ZNF678: variants seen among roughly 807,000 people sequenced by gnomAD.
ZNF678 encodes the protein hypothetical protein MGC42493.
ZNF678 carries 5 observed loss-of-function variants against 3.0 expected under a neutral mutation model. The ratio of observed to expected loss-of-function variants is 1.69; its 90% CI spans 0.88 to 3.56. The LOEUF is 3.56. Among genes scored for constraint, ZNF678 ranks in the 30% most tolerant of loss-of-function variants. The pLI, the probability that ZNF678 is intolerant of heterozygous loss-of-function variation, is 0.00. For missense variants in ZNF678, 593 were observed against 605.0 expected (o/e 0.98, Z 0.21); for synonymous variants, 218 against 199.6 (o/e 1.09, Z -0.78).
chr1:227,637,554 T>G (rs2102787626), intron 1 of ZNF678, among the ~76,000 whole-genome samples: 1 of 152,290 alleles, frequency 6.6e-6, no homozygotes, highest in African/African-American at 2.4e-5. Context: ...TTAGAACACC[T>G]AATGCAACTC....
intron 1 of ZNF678, among the ~76,000 whole-genome samples, chr1:227,581,373 G>A (rs1453823494): frequency 6.7e-6 from 1 of 149,500 alleles, no homozygotes; most frequent in Non-Finnish European, 1.5e-5. Context: ...AAGGAAGGAA[G>A]AGAGGAAAAG....
intron 1 of ZNF678, among the ~76,000 whole-genome samples, chr1:227,589,851 ACTT>A (rs1186607982): frequency 2.0e-5 from 3 of 151,446 alleles, no homozygotes; most frequent in Admixed American, 2.0e-4. Context: ...TTTAGTTTTT[ACTT>A]CTTCTTTCTT....
At chr1:227,589,050 A>AG (rs1367731129) in intron 1 of ZNF678, among the ~76,000 whole-genome samples, 7 of 152,140 alleles carry the variant, frequency 4.6e-5, no homozygotes, top group Admixed American at 1.3e-4. Flanking sequence ...GACCTTTGTC[A>AG]GATGGATAGA....
chr1:227,592,772 G>A (rs1024580867), intron 1 of ZNF678, among the ~76,000 whole-genome samples: 2 of 152,302 alleles, frequency 1.3e-5, no homozygotes, highest in African/African-American at 4.8e-5. Flanking sequence ...GCTTTACGAT[G>A]TCTTATTTCT....
Position 227,646,541 on chromosome 1 carries a change from C to A in ZNF678, c.-163-3C>A, listed in dbSNP as rs757725475. On this transcript the variant is annotated splice_region_variant and splice_polypyrimidine_tract_variant and intron_variant, in intron 1 of 3. Coordinates refer to ENST00000343776, the MANE Select transcript of ZNF678 (RefSeq NM_001367909.1). Reference sequence around the variant, plus strand: ...AATACGTGTGTATTTTTCCCCCCCCCAGGGACTACTGGCATTCAGTGATGT... The same window carrying A: ...AATACGTGTGTATTTTTCCCCCCCCAAGGGACTACTGGCATTCAGTGATGT... 6 of 1,367,178 alleles carry A rather than the reference C, an allele frequency of 4.4e-6. No homozygotes were observed. The highest frequency in any genetic ancestry group is 9.1e-5 in the East Asian group (2 of 21,940). 84.7% of individuals were successfully genotyped at this position (1,367,178 alleles called of 1,614,324 possible).
At chr1:227,573,438 T>A (rs539758500) in intron 1 of ZNF678, among the ~76,000 whole-genome samples, 6 of 152,350 alleles carry the variant, frequency 3.9e-5, no homozygotes, top group African/African-American at 1.2e-4. Context: ...ATTCATGATA[T>A]GATTTCAGGT....
At chr1:227,614,840 C>T (rs1043404453) in intron 1 of ZNF678, among the ~76,000 whole-genome samples, 1 of 152,222 alleles carries the variant, frequency 6.6e-6, no homozygotes, top group Admixed American at 6.5e-5. Context: ...ACCCAGAATG[C>T]CCACACAGAC....
chr1:227,641,840 C>A (rs1571908022), intron 1 of ZNF678, among the ~76,000 whole-genome samples: 2 of 152,074 alleles, frequency 1.3e-5, no homozygotes, highest in African/African-American at 4.8e-5. Flanking sequence ...AGACCCAAAA[C>A]TGAGTCAGAG....
intron 1 of ZNF678, among the ~76,000 whole-genome samples, chr1:227,570,981 T>G (rs1003208442): frequency 2.6e-5 from 4 of 152,192 alleles, no homozygotes; most frequent in African/African-American, 7.2e-5. Context: ...TAATATAGTT[T>G]ATGCCCAAAT....
At chr1:227,679,366 C>T (rs1659730887), downstream of ZNF678, among the ~76,000 whole-genome samples, 1 of 152,044 alleles carries the variant, frequency 6.6e-6, no homozygotes, top group Non-Finnish European at 1.5e-5. Flanking sequence ...CAGCGCTGTG[C>T]CCTGGGCCTG....
At chr1:227,602,979 C>T (rs1475424757) in intron 1 of ZNF678, among the ~76,000 whole-genome samples, 1 of 152,168 alleles carries the variant, frequency 6.6e-6, no homozygotes, top group African/African-American at 2.4e-5. Context: ...TGTGCCCCAG[C>T]CTGGGCAACA....
At chr1:227,673,058 C>T (rs977759556) in intron 5 of ZNF678, among the ~76,000 whole-genome samples, 1 of 152,126 alleles carries the variant, frequency 6.6e-6, no homozygotes, top group African/African-American at 2.4e-5. Context: ...TAAATGGACC[C>T]TGGCCCTCTC....
At chr1:227,665,677 G>A (rs1659493445), downstream of ZNF678, among the ~76,000 whole-genome samples, 1 of 152,240 alleles carries the variant, frequency 6.6e-6, no homozygotes, top group African/African-American at 2.4e-5. Flanking sequence ...ATATGAATTA[G>A]ACAATTATGT....
Position 227,655,454 on chromosome 1 carries a change from G to C in ZNF678, c.1204G>C (p.Val402Leu). 6.2e-7 allele frequency: 1 copy of C among 1,612,384 alleles called. No individual in the cohort carries two copies. The highest frequency in any genetic ancestry group is 8.5e-7 in the Non-Finnish European group (1 of 1,179,164). The change falls in exon 4 of 4, where the codon GTG (valine) becomes CTG (leucine). Residue 402 changes from valine (V) to leucine (L), a missense_variant. By Grantham distance (32) the Val-to-Leu change is conservative. Transcript: ENST00000343776. ...LTQHRRIHTG[V>L]KPYKCEECGK... ...TCAACATAGGAGAATTCATACTGGA[G>C]TGAAACCCTACAAATGTGAAGAATG...
rs1558158819 is a variant in ZNF678, at chr1:227,655,768, G to A, written c.1518G>A (p.Lys506=). ...TTTACCAATCCTCAATCCATAGTAA[G>A]TATAAGAGAATTTATACTGGAGAGG... ...KGFYQSSIHS[K]YKRIYTGEEP... is the part of the protein sequence containing the mutation. The change falls in exon 4 of 4, where the codon AAG becomes AAA. Residue 506 remains lysine, a synonymous_variant. Coordinates refer to ENST00000343776, the MANE Select transcript of ZNF678 (RefSeq NM_001367909.1). The A allele has an allele frequency of 6.2e-7, 1 of 1,603,710 alleles. No homozygotes were observed.
At chr1:227,618,962 G>A (rs2999749) in intron 1 of ZNF678, among the ~76,000 whole-genome samples, 2,099 of 152,248 alleles carry the variant, frequency 0.014, 48 homozygotes, top group African/African-American at 0.048. Context: ...GGGGCAAAGG[G>A]GAAGCAAAGA....
intron 1 of ZNF678, among the ~76,000 whole-genome samples, chr1:227,633,483 G>T (rs1281290649): frequency 6.6e-6 from 1 of 152,188 alleles, no homozygotes; most frequent in African/African-American, 2.4e-5. Flanking sequence ...GTGTTTAAAG[G>T]TGGGTGCAGT....
chr1:227,624,709 G>A (rs771586608), intron 1 of ZNF678, among the ~76,000 whole-genome samples: 2 of 152,204 alleles, frequency 1.3e-5, no homozygotes, highest in Non-Finnish European at 2.9e-5. Context: ...GGAACCCAGC[G>A]ACTAGTGTTC....
chr1:227,596,956 A>G (rs1657608610), intron 1 of ZNF678, among the ~76,000 whole-genome samples: 1 of 152,212 alleles, frequency 6.6e-6, no homozygotes, highest in East Asian at 1.9e-4. Flanking sequence ...AGTTTTTTCT[A>G]AAATCTAGTT....
Sources: allele counts gnomAD v4.1 joint callset (sites outside exome capture counted in the v4.1 genomes callset), GRCh38; gene constraint gnomAD v4.1.1; transcripts MANE v1.5; gene names NCBI Gene and HGNC (gene_info 2026-07-23, HGNC 2026-07-21).